PARP8: variants seen among roughly 807,000 people sequenced by gnomAD.
The protein encoded by PARP8 is protein mono-ADP-ribosyltransferase PARP8.
Under a neutral mutation model 124.1 loss-of-function variants are expected in PARP8, and 51 were observed. The ratio of observed to expected loss-of-function variants is 0.41; its 90% confidence interval spans 0.33 to 0.52. PARP8 has a LOEUF of 0.52. Ranked by LOEUF, PARP8 falls within the 20% of genes least tolerant of loss-of-function variation. The pLI is 0.21. For missense variants in PARP8, 860 were observed against 1,018.9 expected, an observed-to-expected ratio of 0.84 and a Z score of 2.12; for synonymous variants, 391 against 361.5, an observed-to-expected ratio of 1.08 and a Z score of -0.93.
At chr5:50,831,271 T>C (rs956692690) in intron 22 of PARP8, among the ~76,000 whole-genome samples, 3 of 152,158 alleles carry the variant, frequency 2.0e-5, no homozygotes, top group Non-Finnish European at 4.4e-5. Context: ...ACAGCTTCAT[T>C]ACGCTCATAG....
intron 9 of PARP8, among the ~76,000 whole-genome samples, chr5:50,780,776 C>G (rs1174553355): frequency 6.6e-6 from 1 of 152,028 alleles, no homozygotes; most frequent in East Asian, 1.9e-4. Context: ...ACAAACTTGT[C>G]CAAGTAAAAT....
chr5:50,754,150 T>TATATATATACACACACACAC (rs1312947286), intron 3 of PARP8, among the ~76,000 whole-genome samples: 1 of 37,218 alleles, frequency 2.7e-5, no homozygotes. Flanking sequence ...TATATATATA[T>TATATATATACACACACACAC]ACACACACAC....
At chr5:50,788,948 A>G (rs146980670) in intron 10 of PARP8, among the ~76,000 whole-genome samples, 6 of 152,150 alleles carry the variant, frequency 3.9e-5, no homozygotes, top group Admixed American at 6.5e-5. Context: ...TTTCCTTCCT[A>G]GGAGGTCATC....
chr5:50,798,857 C>G (rs968106818), intron 14 of PARP8, among the ~76,000 whole-genome samples: 1 of 152,136 alleles, frequency 6.6e-6, no homozygotes. Context: ...TGCTTATTGG[C>G]CATTTGCATG....
At chr5:50,814,894 T>TTATA (rs1370497821) in intron 14 of PARP8, among the ~76,000 whole-genome samples, 1 of 152,130 alleles carries the variant, frequency 6.6e-6, no homozygotes, top group African/African-American at 2.4e-5. Flanking sequence ...CTTCATGAGG[T>TTATA]TATAGAAGTC....
intron 19 of PARP8, 134 bp downstream of exon 19, chr5:50,826,937 TAG>T: frequency 1.6e-6 from 2 of 1,261,236 alleles, no homozygotes; most frequent in Non-Finnish European, 2.1e-6. Context: ...TATAATTCTT[TAG>T]TTTGAAATAG....
chr5:50,711,677 C>T (rs570768797), intron 2 of PARP8, among the ~76,000 whole-genome samples: 1 of 152,032 alleles, frequency 6.6e-6, no homozygotes, highest in Non-Finnish European at 1.5e-5. Flanking sequence ...ACCTCCTCAC[C>T]CCGCCCTAAA....
chr5:50,817,384 T>G (rs1301768003), intron 15 of PARP8, among the ~76,000 whole-genome samples: 1 of 152,162 alleles, frequency 6.6e-6, no homozygotes, highest in African/African-American at 2.4e-5. Flanking sequence ...TTAAAACAGG[T>G]TCCCCAGTAT....
chr5:50,742,981 A>G (rs976276480), intron 2 of PARP8, among the ~76,000 whole-genome samples: 15 of 152,210 alleles, frequency 9.9e-5, no homozygotes, highest in African/African-American at 3.6e-4. Flanking sequence ...GAGTGAATGC[A>G]TTGTTTAAGG....
At chr5:50,745,264 G>A (rs1758426509) in intron 2 of PARP8, among the ~76,000 whole-genome samples, 1 of 152,202 alleles carries the variant, frequency 6.6e-6, no homozygotes, top group South Asian at 2.1e-4. Flanking sequence ...TTGGGTCTCA[G>A]ATAAATGTAA....
intron 25 of PARP8, among the ~76,000 whole-genome samples, chr5:50,838,546 A>G (rs1180677310): frequency 3.3e-5 from 5 of 151,970 alleles, no homozygotes; most frequent in African/African-American, 9.7e-5. Flanking sequence ...GTTAACTAGG[A>G]TTAATCTTTT....
chr5:50,722,188 A>G (rs1490143681), intron 2 of PARP8, among the ~76,000 whole-genome samples: 8 of 152,062 alleles, frequency 5.3e-5, no homozygotes, highest in African/African-American at 1.7e-4. Flanking sequence ...AAAATTATAT[A>G]TAGTTGTTTT....
intron 2 of PARP8, among the ~76,000 whole-genome samples, chr5:50,716,013 ATGT>A: frequency 6.6e-6 from 1 of 152,240 alleles, no homozygotes; most frequent in South Asian, 2.1e-4. Flanking sequence ...AATAAAATTG[ATGT>A]TGTAGCAAGA....
At chr5:50,722,969 A>G (rs1756052227) in intron 2 of PARP8, among the ~76,000 whole-genome samples, 1 of 152,162 alleles carries the variant, frequency 6.6e-6, no homozygotes, top group African/African-American at 2.4e-5. Context: ...GCAGCTTGGC[A>G]GCAGTGAATA....
chr5:50,828,528 C>A, intron 21 of PARP8, 144 bp downstream of exon 21: 1 of 692,792 alleles, frequency 1.4e-6, no homozygotes, highest in Non-Finnish European at 2.5e-6. Flanking sequence ...CATACTAGAA[C>A]TGAAGCAGAA....
At chr5:50,679,835 G>A (rs1463953638) in intron 2 of PARP8, among the ~76,000 whole-genome samples, 1 of 152,170 alleles carries the variant, frequency 6.6e-6, no homozygotes, top group Non-Finnish European at 1.5e-5. Context: ...CATAAAACTT[G>A]TAATCAAGAA....
chr5:50,741,966 G>A (rs762182651), intron 2 of PARP8: 6 of 373,846 alleles, frequency 1.6e-5, no homozygotes, highest in South Asian at 5.7e-5. Context: ...ACACAACCAC[G>A]CCTGGCTAAT....
Position 50,795,003 on chromosome 5 carries a change from G to A in PARP8, c.1014G>A (p.Arg338=). 6.2e-7 allele frequency: 1 copy of A among 1,614,214 alleles called. No homozygotes were observed. The highest frequency in any genetic ancestry group is 2.2e-5 in the East Asian group (1 of 44,886). ...TDDVCVTKSH[R]TFGRSLSSDP... ...ATGTGTGTGTCACAAAGTCACACAGGACCTTTGGCCGCTCCTTGTCCAGCG... is the reference window on the plus strand; with the variant it reads ...ATGTGTGTGTCACAAAGTCACACAGAACCTTTGGCCGCTCCTTGTCCAGCG... Residue 338 remains arginine, a synonymous_variant, in exon 12 of 26, where the codon AGG becomes AGA. Coordinates refer to ENST00000281631, the MANE Select transcript of PARP8 (RefSeq NM_024615.4).
intron 2 of PARP8, among the ~76,000 whole-genome samples, chr5:50,747,139 T>TG (rs1273237530): frequency 1.6e-5 from 2 of 127,754 alleles, no homozygotes; most frequent in African/African-American, 3.0e-5. Flanking sequence ...TATTCAGTTA[T>TG]GGTTTTTTTT....
Sources: gnomAD v4.1 joint callset for allele counts (sites outside exome capture counted in the v4.1 genomes callset) on GRCh38, gnomAD v4.1.1 for gene constraint, MANE v1.5 for transcripts, NCBI Gene and HGNC (gene_info 2026-07-23, HGNC 2026-07-21) for gene names.